GPC6: variants seen among roughly 807,000 people sequenced by gnomAD.
The protein encoded by GPC6 is glypican-6.
A neutral mutation model predicts 55.2 loss-of-function variants in GPC6; 14 were observed. The observed-to-expected ratio is 0.25, with a 90% confidence interval of 0.17 to 0.40. The LOEUF is 0.40. Ranked by LOEUF, GPC6 falls within the 10% of genes least tolerant of loss-of-function variation. The probability of loss-of-function intolerance (pLI) is 1.00; values close to 1 mark genes in which losing one functional copy is unlikely to be tolerated. For synonymous variants in GPC6, 278 were observed against 259.6 expected, an observed-to-expected ratio of 1.07 and a Z score of -0.68; for missense variants, 641 against 708.5, an observed-to-expected ratio of 0.90 and a Z score of 1.08.
intron 4 of GPC6, among the ~76,000 whole-genome samples, chr13:94,142,925 T>C (rs1266958344): frequency 6.0e-5 from 9 of 151,234 alleles, no homozygotes; most frequent in Non-Finnish European, 1.2e-4. Flanking sequence ...GCCTCCTGGG[T>C]TCAAGCAATT....
intron 3 of GPC6, among the ~76,000 whole-genome samples, chr13:93,965,165 C>T (rs1165511197): frequency 3.3e-5 from 4 of 120,910 alleles, no homozygotes; most frequent in African/African-American, 6.4e-5. Flanking sequence ...AAAATAACCA[C>T]GATTGGGAGG....
At chr13:94,051,010 C>T (rs1225166438) in intron 4 of GPC6, among the ~76,000 whole-genome samples, 1 of 152,142 alleles carries the variant, frequency 6.6e-6, no homozygotes, top group Non-Finnish European at 1.5e-5. Flanking sequence ...TTAGCATTGT[C>T]TTCATTGACA....
intron 1 of GPC6, among the ~76,000 whole-genome samples, chr13:93,360,637 G>A (rs767054075): frequency 6.6e-6 from 1 of 152,182 alleles, no homozygotes; most frequent in Non-Finnish European, 1.5e-5. Flanking sequence ...TTCTATAATT[G>A]ATGTGTTTAC....
chr13:94,292,190 C>T (rs1484403022), intron 5 of GPC6, among the ~76,000 whole-genome samples: 1 of 152,158 alleles, frequency 6.6e-6, no homozygotes, highest in Non-Finnish European at 1.5e-5. Flanking sequence ...AGGTGACTTA[C>T]CAAGGTCTCA....
chr13:93,272,434 AT>A (rs1210713731), intron 1 of GPC6, among the ~76,000 whole-genome samples: 1 of 150,384 alleles, frequency 6.6e-6, no homozygotes, highest in African/African-American at 2.4e-5. Flanking sequence ...AATGTGAAAA[AT>A]TTTAAGCACT....
chr13:93,754,326 T>G (rs1335778069), intron 2 of GPC6, among the ~76,000 whole-genome samples: 2 of 152,178 alleles, frequency 1.3e-5, no homozygotes, highest in African/African-American at 4.8e-5. Flanking sequence ...GGCAATCAGC[T>G]AAGCCATTTT....
intron 2 of GPC6, among the ~76,000 whole-genome samples, chr13:93,556,372 TAGTGTGTG>T (rs1875467500): frequency 2.6e-5 from 1 of 38,856 alleles, no homozygotes; most frequent in South Asian, 5.2e-4. Flanking sequence ...TGTGGGTAAA[TAGTGTGTG>T]TGTGTGTGTG....
chr13:94,331,213 T>C (rs1376183736), intron 6 of GPC6, among the ~76,000 whole-genome samples: 1 of 152,148 alleles, frequency 6.6e-6, no homozygotes, highest in Non-Finnish European at 1.5e-5. Flanking sequence ...CCTATTTTAA[T>C]AAATAAAGCT....
At chr13:93,444,195 C>CTTTT (rs10659977) in intron 1 of GPC6, among the ~76,000 whole-genome samples, 40 of 110,642 alleles carry the variant, frequency 3.6e-4, no homozygotes, top group African/African-American at 5.3e-4. Flanking sequence ...TGCAATTCTT[C>CTTTT]TTTTTTTTTT....
intron 3 of GPC6, among the ~76,000 whole-genome samples, chr13:93,977,602 A>G (rs1880586222): frequency 6.6e-6 from 1 of 151,858 alleles, no homozygotes; most frequent in Admixed American, 6.6e-5. Flanking sequence ...GAGAGAGCCA[A>G]TACATGATAT....
chr13:93,495,257 A>G (rs1392551436), intron 1 of GPC6, among the ~76,000 whole-genome samples: 1 of 148,540 alleles, frequency 6.7e-6, no homozygotes, highest in African/African-American at 2.5e-5. Context: ...TTCCCTTCTC[A>G]CTTCATTTCA....
intron 4 of GPC6, among the ~76,000 whole-genome samples, chr13:94,199,101 G>T (rs1216565661): frequency 6.6e-6 from 1 of 152,174 alleles, no homozygotes; most frequent in African/African-American, 2.4e-5. Context: ...AAAAGCCTTT[G>T]TGCTGGAAGC....
intron 6 of GPC6, among the ~76,000 whole-genome samples, chr13:94,321,260 G>T (rs546068859): frequency 6.6e-6 from 1 of 152,260 alleles, no homozygotes; most frequent in East Asian, 1.9e-4. Flanking sequence ...CATTGTTTAT[G>T]GCTGCGTAGT....
chr13:94,044,351 CA>C (rs1883647425), intron 4 of GPC6, among the ~76,000 whole-genome samples: 1 of 151,786 alleles, frequency 6.6e-6, no homozygotes. Flanking sequence ...GAATGCTAAT[CA>C]AGTGGGAGTT....
chr13:93,484,997 C>G (rs1879647002), intron 1 of GPC6, among the ~76,000 whole-genome samples: 1 of 152,086 alleles, frequency 6.6e-6, no homozygotes, highest in South Asian at 2.1e-4. Context: ...GTTTCCAAGT[C>G]AGGAATTATT....
At chr13:93,903,066 G>C (rs748528030) in intron 3 of GPC6, among the ~76,000 whole-genome samples, 1 of 152,060 alleles carries the variant, frequency 6.6e-6, no homozygotes, top group African/African-American at 2.4e-5. Context: ...AAAAATCAAC[G>C]CATAATGGAT....
intron 4 of GPC6, among the ~76,000 whole-genome samples, chr13:94,049,707 C>T (rs1883870704): frequency 6.6e-6 from 1 of 152,130 alleles, no homozygotes; most frequent in Non-Finnish European, 1.5e-5. Context: ...AAATTTTCAT[C>T]ATCCTCCCCA....
At chr13:93,267,336 T>C (rs1393548933) in intron 1 of GPC6, among the ~76,000 whole-genome samples, 10 of 152,028 alleles carry the variant, frequency 6.6e-5, no homozygotes, top group Non-Finnish European at 8.8e-5. Context: ...ATTAAAAGCA[T>C]TGGAGCTGCT....
intron 3 of GPC6, among the ~76,000 whole-genome samples, chr13:94,011,336 A>G (rs1283432613): frequency 6.6e-6 from 1 of 152,206 alleles, no homozygotes; most frequent in Non-Finnish European, 1.5e-5. Flanking sequence ...AAACTAAAAA[A>G]TTATTCAAGC....
Sources: gnomAD v4.1 joint callset for allele counts (sites outside exome capture counted in the v4.1 genomes callset) on GRCh38, gnomAD v4.1.1 for gene constraint, MANE v1.5 for transcripts, NCBI Gene and HGNC (gene_info 2026-07-23, HGNC 2026-07-21) for gene names.